INTS9: variants seen among roughly 807,000 people sequenced by gnomAD.
INTS9 encodes integrator complex subunit 9, also known as protein related to CPSF subunits of 74 kDa.
A neutral mutation model predicts 79.7 loss-of-function variants in INTS9; 55 were observed. The observed-to-expected ratio is 0.69, with a 90% CI of 0.56 to 0.86. INTS9 has a LOEUF of 0.86. INTS9 is among the 40% of genes least tolerant of loss of function. The pLI is 0.00. For synonymous variants in INTS9, 319 were observed against 325.2 expected (o/e 0.98, Z 0.20); for missense variants, 721 against 831.5 (o/e 0.87, Z 1.64).
intron 8 of INTS9, among the ~76,000 whole-genome samples, chr8:28,803,756 C>T (rs909972053): frequency 1.3e-5 from 2 of 151,988 alleles, no homozygotes; most frequent in Non-Finnish European, 2.9e-5. Context: ...TTTATCTTTT[C>T]TCTGAGATTT....
At chr8:28,878,458 G>A (rs914652739) in intron 1 of INTS9, among the ~76,000 whole-genome samples, 3 of 150,936 alleles carry the variant, frequency 2.0e-5, no homozygotes, top group East Asian at 3.9e-4. Flanking sequence ...GACTACAGGT[G>A]TGTGCCACCA....
At chr8:28,849,183 G>A (rs892598831) in intron 3 of INTS9, among the ~76,000 whole-genome samples, 1 of 152,178 alleles carries the variant, frequency 6.6e-6, no homozygotes, top group Admixed American at 6.5e-5. Flanking sequence ...GTGAAACTTA[G>A]GAAAGGAAGA....
In INTS9 at chr8:28,791,750, T is replaced by C. The variant is rs191388381; in HGVS notation, c.1037+2057A>G. ...AGGGACCTCTTTGTATCCTCAGTGC[T>C]TTGGCACTTAAAGGTTTATGGATTT... On this transcript the variant is annotated intron_variant, in intron 10 of 16. Coordinates refer to ENST00000521022, the MANE Select transcript of INTS9 (RefSeq NM_018250.4). Among the ~76,000 whole-genome samples, 133 of 152,326 alleles carry C rather than the reference T, an allele frequency of 8.7e-4. 1 individual carries two copies. Among genetic ancestry groups the C allele is most frequent in the Non-Finnish European group, 3.1e-4 (21 of 68,026 alleles).
chr8:28,835,167 A>C (rs1390450750), intron 6 of INTS9, 125 bp downstream of exon 6: 8 of 642,308 alleles, frequency 1.2e-5, no homozygotes, highest in Admixed American at 3.2e-5. Flanking sequence ...TTCATGTATT[A>C]GGAAAAAGAG....
Position 28,850,212 on chromosome 8 carries a change from C to A in INTS9, c.198+1G>T. On this transcript the variant is annotated splice_donor_variant, in intron 3 of 16. Coordinates refer to ENST00000521022, the MANE Select transcript of INTS9 (RefSeq NM_018250.4). LOFTEE classifies it high-confidence loss of function. The stretch of plus-strand genomic sequence containing the variant: ...CTTTAGTTTGTAGTCTTAGATATTA[C>A]CTTGTCCAAGAAAGCATTTCCATCC... 6.2e-7 allele frequency: 1 copy of A among 1,612,620 alleles called. No homozygotes were observed.
At chr8:28,771,308 C>A (rs1463143035) in intron 14 of INTS9, 2 of 551,126 alleles carry the variant, frequency 3.6e-6, no homozygotes, top group Non-Finnish European at 6.7e-6. Context: ...TCCAGGTGAC[C>A]AGTGGCAGGA....
Position 28,770,960 on chromosome 8 carries a change from ACTC to A in INTS9, c.1662+19_1662+21del, listed in dbSNP as rs1452532481. 6.3e-7 allele frequency: 1 copy of A among 1,583,924 alleles called. No homozygotes were observed. The highest frequency in any genetic ancestry group is 1.3e-5 in the African/African-American group (1 of 74,162). ...TCTTGCTGGGGAGAGGGTCCCCTGCACTCCCACCCAGCACCCCCTACCTGAAGC... is the reference window on the plus strand; with the variant it reads ...TCTTGCTGGGGAGAGGGTCCCCTGCACCACCCAGCACCCCCTACCTGAAGC... On this transcript the variant is annotated intron_variant, in intron 15 of 16. Transcript: ENST00000521022.
At position 28,859,582 on chromosome 8, in the gene INTS9, C is replaced by T. The variant is rs1808343566; in HGVS notation, c.10-19G>A. On this transcript the variant is annotated intron_variant, in intron 1 of 16. Transcript: ENST00000521022. ...GGCAATACTGAAAAAAATTAAATCACTTTGATCAGTAATCAATTACAGAAG... is the reference window on the plus strand; with the variant it reads ...GGCAATACTGAAAAAAATTAAATCATTTTGATCAGTAATCAATTACAGAAG... The T allele has an allele frequency of 6.2e-7, 1 of 1,613,018 alleles. No individual in the cohort carries two copies. Among genetic ancestry groups the T allele is most frequent in the South Asian group, 1.1e-5 (1 of 91,052 alleles).
At position 28,843,082 on chromosome 8, in the gene INTS9, G is replaced by A. The variant is rs1014052718; in HGVS notation, c.261+3665C>T. ...GAACTTTAAGATGCAGTCCCTTAGT[G>A]GCAAGGTACTTCTCGACTTCAGGGA... On this transcript the variant is annotated intron_variant, in intron 4 of 16. Transcript: ENST00000521022. 5.3e-5 allele frequency among the ~76,000 whole-genome samples: 8 copies of A among 152,212 alleles called. No homozygotes were observed. The South Asian group carries it at 6.2e-4, about 12-fold the overall frequency.
intron 1 of INTS9, among the ~76,000 whole-genome samples, chr8:28,879,891 C>T (rs967289099): frequency 6.6e-6 from 1 of 151,890 alleles, no homozygotes; most frequent in Admixed American, 6.6e-5. Context: ...TCGTGGTTGC[C>T]GAGGCCTGGA....
chr8:28,776,892 G>A (rs1802921876), intron 13 of INTS9, among the ~76,000 whole-genome samples: 1 of 152,160 alleles, frequency 6.6e-6, no homozygotes, highest in African/African-American at 2.4e-5. Flanking sequence ...AAAGCAACAC[G>A]CCTTTCACTG....
intron 1 of INTS9, 66 bp from the exon 2 acceptor site, chr8:28,859,629 T>C (rs1242321626): frequency 6.5e-7 from 1 of 1,530,884 alleles, no homozygotes; most frequent in Non-Finnish European, 9.0e-7. Context: ...GTAAAGTGAA[T>C]TAAATAACTC....
intron 1 of INTS9, among the ~76,000 whole-genome samples, chr8:28,869,265 C>T (rs1052290179): frequency 1.3e-5 from 2 of 152,212 alleles, no homozygotes; most frequent in Admixed American, 6.5e-5. Flanking sequence ...TGGTGTCGAA[C>T]TTCTGGGCTC....
chr8:28,875,932 G>A (rs138791315), intron 1 of INTS9, among the ~76,000 whole-genome samples: 20 of 152,276 alleles, frequency 1.3e-4, no homozygotes, highest in African/African-American at 4.8e-4. Flanking sequence ...TTATCTGTTA[G>A]CTATAACTAT....
rs770915161 is a variant in INTS9 at position 28,768,383 on chromosome 8, A to G, written c.1801-61T>C. The G allele has an allele frequency of 4.7e-6, 7 of 1,489,752 alleles. No individual in the cohort carries two copies. The South Asian group carries it at 7.9e-5, about 17-fold the overall frequency. 92.3% of individuals were successfully genotyped at this position (1,489,752 alleles called of 1,614,324 possible). On this transcript the variant is annotated intron_variant, in intron 16 of 16. Transcript: ENST00000521022. Reference sequence around the variant, plus strand: ...GACTGCACATCTGTGAGATCTGTAAATGACACTTCACAGACTCGACTGAAC... The same window carrying G: ...GACTGCACATCTGTGAGATCTGTAAGTGACACTTCACAGACTCGACTGAAC...
chr8:28,769,774 A>G, intron 16 of INTS9, 115 bp downstream of exon 16: 1 of 1,337,810 alleles, frequency 7.5e-7, no homozygotes, highest in Non-Finnish European at 1.0e-6. Context: ...GCCACAGGAC[A>G]GTGGGGACTA....
chr8:28,770,155 C>G, intron 15 of INTS9, 129 bp from the exon 16 acceptor site: 1 of 1,208,684 alleles, frequency 8.3e-7, no homozygotes, highest in East Asian at 2.6e-5. Context: ...TTTCCTCAGC[C>G]GGCACTCGGT....
chr8:28,832,657 T>C (rs1431969104), intron 6 of INTS9, among the ~76,000 whole-genome samples: 1 of 152,138 alleles, frequency 6.6e-6, no homozygotes, highest in Non-Finnish European at 1.5e-5. Flanking sequence ...GTCAGTTTTC[T>C]CTCCTGTAAA....
intron 1 of INTS9, among the ~76,000 whole-genome samples, chr8:28,869,706 GGA>G (rs1287250348): frequency 6.6e-6 from 1 of 152,156 alleles, no homozygotes; most frequent in African/African-American, 2.4e-5. Context: ...CCATCTCGCA[GGA>G]GAGCTGTTAA....
Sources: gnomAD v4.1 joint callset for allele counts (sites outside exome capture counted in the v4.1 genomes callset) on GRCh38, gnomAD v4.1.1 for gene constraint, MANE v1.5 for transcripts, NCBI Gene and HGNC (gene_info 2026-07-23, HGNC 2026-07-21) for gene names.